Variants in SLC44A1 observed in about 807,000 individuals in gnomAD.
SLC44A1 encodes the protein solute carrier family 44 member 1.
A neutral mutation model predicts 79.3 loss-of-function variants in SLC44A1; 26 were observed. The observed-to-expected ratio is 0.33, with a 90% CI of 0.24 to 0.46. SLC44A1 has a LOEUF of 0.46. Among genes scored for constraint, SLC44A1 ranks in the 20% least tolerant of loss-of-function variants. The pLI is 1.00. For synonymous variants in SLC44A1, 263 were observed against 286.2 expected (o/e 0.92, Z 0.82); for missense variants, 688 against 798.1 (o/e 0.86, Z 1.66).
Position 105,244,736 on chromosome 9 carries a change from TGCAGCCGCCGCC to T in SLC44A1, c.-130_-119del. On this transcript the variant is annotated 5_prime_UTR_variant, in exon 1 of 16. Transcript: ENST00000374720. ...CCGCCTCTTGAGTACCAGCCGCCGCTGCAGCCGCCGCCGCCGCCTAGCCGTGCGGTGCCAGGC... is the reference window on the plus strand; with the variant it reads ...CCGCCTCTTGAGTACCAGCCGCCGCTGCCGCCTAGCCGTGCGGTGCCAGGC... The T allele has an allele frequency of 2.6e-6, 1 of 387,730 alleles. No homozygotes were observed. 24.0% of individuals were successfully genotyped at this position (387,730 alleles called of 1,614,324 possible). A position where few individuals can be genotyped will look rare whatever the true frequency, so the allele number is the denominator to read the frequency against.
rs376237382 is a variant in SLC44A1, at chr9:105,349,591, C to T, written c.500+1140C>T. 1.7e-4 allele frequency among the ~76,000 whole-genome samples: 26 copies of T among 152,080 alleles called. No homozygotes were observed. The East Asian group carries it at 3.9e-3, about 23-fold the overall frequency. ...AATTATGGCCTTAAACCAACAGCTA[C>T]GGAGATTACATTCATATAAATTGAG... is the stretch of plus-strand genomic sequence containing the variant. On this transcript the variant is annotated intron_variant, in intron 5 of 15. Transcript: ENST00000374720.
intron 15 of SLC44A1, among the ~76,000 whole-genome samples, chr9:105,419,862 C>T (rs1323017660): frequency 1.4e-5 from 2 of 143,860 alleles, no homozygotes; most frequent in Non-Finnish European, 3.0e-5. Context: ...AGCAGTGAGC[C>T]GAGGTTGCAC....
In SLC44A1 at chr9:105,389,303, C is replaced by A; in HGVS notation, c.*247C>A. On this transcript the variant is annotated 3_prime_UTR_variant, in exon 16 of 16. Transcript: ENST00000374720. ...CGGGTGGCTTTTACAAGGCAACTTC[C>A]GTCATTTAATGTTTTCAACTGTAAT... is the stretch of plus-strand genomic sequence containing the variant. 8.4e-7 allele frequency: 1 copy of A among 1,188,692 alleles called. No homozygotes were observed. The highest frequency in any genetic ancestry group is 1.0e-6 in the Non-Finnish European group (1 of 959,510). The allele number at this position is 1,188,692 out of a possible 1,614,324, so 73.6% of individuals were successfully genotyped here.
At chr9:105,313,458 T>C (rs953854288) in intron 3 of SLC44A1, among the ~76,000 whole-genome samples, 4 of 152,130 alleles carry the variant, frequency 2.6e-5, no homozygotes, top group African/African-American at 9.7e-5. Context: ...ACTTAAATTG[T>C]TGGTCAGGGC....
Position 105,356,061 on chromosome 9 carries a change from A to G in SLC44A1, c.501-151A>G, listed in dbSNP as rs1231904684. The G allele has an allele frequency of 6.3e-6, 4 of 632,456 alleles. No homozygotes were observed. The East Asian group carries it at 8.2e-5, about 13-fold the overall frequency. 39.2% of individuals were successfully genotyped at this position (632,456 alleles called of 1,614,324 possible). On this transcript the variant is annotated intron_variant, in intron 5 of 15. Coordinates refer to ENST00000374720, the MANE Select transcript of SLC44A1 (RefSeq NM_080546.5). ...CACTACCCATGACAGTCATCCTCAT[A>G]GCATTAAGCACACAGCTCTTAGCTC...
intron 4 of SLC44A1, among the ~76,000 whole-genome samples, chr9:105,341,540 A>G (rs1301401992): frequency 2.0e-5 from 3 of 152,116 alleles, no homozygotes; most frequent in Non-Finnish European, 2.9e-5. Context: ...CAAATACCAT[A>G]AGGACTCAGT....
intron 1 of SLC44A1, among the ~76,000 whole-genome samples, chr9:105,284,575 T>C (rs1830432562): frequency 6.6e-6 from 1 of 152,192 alleles, no homozygotes; most frequent in African/African-American, 2.4e-5. Flanking sequence ...TCTAGTAACT[T>C]CTGATTTCTC....
chr9:105,422,066 C>T (rs1390017098), intron 15 of SLC44A1, among the ~76,000 whole-genome samples: 1 of 152,148 alleles, frequency 6.6e-6, no homozygotes, highest in Non-Finnish European at 1.5e-5. Context: ...TTGGACTCTC[C>T]TACCTGAGTG....
Position 105,391,263 on chromosome 9 carries a change from G to A in SLC44A1, c.*2207G>A. On this transcript the variant is annotated 3_prime_UTR_variant, in exon 16 of 16. Transcript: ENST00000374720. ...ATATGCTCGCAATCTCAGCTATTTG[G>A]AAGCTACCAGGAATGCTTTCTAATT... 1.0e-6 allele frequency: 1 copy of A among 985,780 alleles called. No individual in the cohort carries two copies. Among genetic ancestry groups the A allele is most frequent in the Non-Finnish European group, 1.2e-6 (1 of 829,900 alleles). The allele number at this position is 985,780 out of a possible 1,614,324, so 61.1% of individuals were successfully genotyped here.
At chr9:105,434,010 A>C (rs1184850431) in intron 15 of SLC44A1, among the ~76,000 whole-genome samples, 1 of 152,120 alleles carries the variant, frequency 6.6e-6, no homozygotes, top group African/African-American at 2.4e-5. Flanking sequence ...AAATTACTAA[A>C]CTCAGATAAT....
chr9:105,266,648 G>A (rs1282530868), intron 1 of SLC44A1, among the ~76,000 whole-genome samples: 1 of 151,614 alleles, frequency 6.6e-6, no homozygotes, highest in East Asian at 1.9e-4. Flanking sequence ...CTTTCTGTTT[G>A]GTTTCATCCA....
rs1828760086 is a variant in SLC44A1, at chr9:105,391,423, T to C, written c.*2367T>C. 1 of 985,492 alleles carries C rather than the reference T, an allele frequency of 1.0e-6. No homozygotes were observed. Among genetic ancestry groups the C allele is most frequent in the East Asian group, 1.1e-4 (1 of 8,820 alleles). 61.0% of individuals were successfully genotyped at this position (985,492 alleles called of 1,614,324 possible). A position where few individuals can be genotyped will look rare whatever the true frequency, so the allele number is the denominator to read the frequency against. On this transcript the variant is annotated 3_prime_UTR_variant, in exon 16 of 16. Coordinates refer to ENST00000374720, the MANE Select transcript of SLC44A1 (RefSeq NM_080546.5). Reference sequence around the variant, plus strand: ...CTAACATTGTGTTTAGAAATTATAATCTATGTGTAACCATGTCATTTGAGT... The same window carrying C: ...CTAACATTGTGTTTAGAAATTATAACCTATGTGTAACCATGTCATTTGAGT...
chr9:105,268,418 G>C (rs995257729), intron 1 of SLC44A1, among the ~76,000 whole-genome samples: 1 of 152,090 alleles, frequency 6.6e-6, no homozygotes, highest in South Asian at 2.1e-4. Context: ...GAAGGGAGCC[G>C]AATTCAGTGC....
intron 3 of SLC44A1, among the ~76,000 whole-genome samples, chr9:105,326,893 T>C (rs7863414): frequency 0.13 from 20,437 of 152,202 alleles, 2,781 homozygotes; most frequent in African/African-American, 0.35. Flanking sequence ...ACTTCATAGG[T>C]GTCTCCAACT....
At chr9:105,399,708 AAAT>A (rs1828931602), downstream of SLC44A1, among the ~76,000 whole-genome samples, 1 of 142,820 alleles carries the variant, frequency 7.0e-6, no homozygotes, top group Non-Finnish European at 1.5e-5. Context: ...ACAATAATGT[AAAT>A]AATATTTAAT....
chr9:105,247,040 T>C (rs1315483762), intron 1 of SLC44A1, among the ~76,000 whole-genome samples: 5 of 152,120 alleles, frequency 3.3e-5, no homozygotes, highest in Non-Finnish European at 7.4e-5. Flanking sequence ...TAGGGACTTG[T>C]AGTGTTCAGT....
At chr9:105,260,918 A>G (rs1829824344) in intron 1 of SLC44A1, among the ~76,000 whole-genome samples, 1 of 152,212 alleles carries the variant, frequency 6.6e-6, no homozygotes, top group Non-Finnish European at 1.5e-5. Flanking sequence ...GGGCCAAGCA[A>G]ATAATAGATC....
At chr9:105,368,009 CA>C (rs1453463844) in intron 12 of SLC44A1, among the ~76,000 whole-genome samples, 4 of 151,940 alleles carry the variant, frequency 2.6e-5, no homozygotes, top group Non-Finnish European at 5.9e-5. Flanking sequence ...TATTTAGACT[CA>C]AAAAGACTAA....
At chr9:105,425,106 A>G (rs1273127897) in intron 15 of SLC44A1, among the ~76,000 whole-genome samples, 4 of 152,216 alleles carry the variant, frequency 2.6e-5, no homozygotes, top group Non-Finnish European at 5.9e-5. Context: ...TTTAAAAACA[A>G]AAATGATTGT....
Sources: gnomAD v4.1 joint callset for allele counts (sites outside exome capture counted in the v4.1 genomes callset) on GRCh38, gnomAD v4.1.1 for gene constraint, MANE v1.5 for transcripts, NCBI Gene and HGNC (gene_info 2026-07-23, HGNC 2026-07-21) for gene names.